SLC28A3: variants seen among roughly 807,000 people sequenced by gnomAD.
The protein encoded by SLC28A3 is concentrative Na(+)-nucleoside cotransporter 3.
In SLC28A3, 68 loss-of-function variants were observed where a neutral mutation model predicts 84.2. The observed-to-expected ratio is 0.81, with a 90% CI of 0.66 to 0.99. The LOEUF (loss-of-function observed/expected upper bound fraction) is 0.99. SLC28A3 is among the 50% of genes least tolerant of loss of function. SLC28A3 has a pLI of 0.00. For synonymous variants in SLC28A3, 267 were observed against 303.6 expected (o/e 0.88, Z 1.25); for missense variants, 712 against 841.5 (o/e 0.85, Z 1.90).
chr9:84,363,960 T>G, the SLC28A3 span, among the ~76,000 whole-genome samples: 1 of 152,070 alleles, frequency 6.6e-6, no homozygotes, highest in Non-Finnish European at 1.5e-5. Flanking sequence ...TAAAAAAATT[T>G]ATCTTTAATT....
rs1466983675 is a variant in SLC28A3 at position 84,334,540 on chromosome 9, A to G, written c.60+6034T>C. 3.3e-5 allele frequency among the ~76,000 whole-genome samples: 5 copies of G among 152,030 alleles called. No individual in the cohort carries two copies. The East Asian group carries it at 7.7e-4, about 24-fold the overall frequency. Reference sequence around the variant, plus strand: ...GGGCTGGACCCTGAGGGATGGCAATATCCTGTTTCTTGACCTGAGTGACAG... The same window carrying G: ...GGGCTGGACCCTGAGGGATGGCAATGTCCTGTTTCTTGACCTGAGTGACAG... On this transcript the variant is annotated intron_variant, in intron 1 of 17. Transcript: ENST00000376238.
intron 12 of SLC28A3, among the ~76,000 whole-genome samples, chr9:84,287,112 G>A (rs1198293797): frequency 6.6e-6 from 1 of 152,084 alleles, no homozygotes; most frequent in Non-Finnish European, 1.5e-5. Context: ...GCTGAGGTGG[G>A]AGGATCACTT....
At chr9:84,320,755 C>T (rs1056829882) in intron 1 of SLC28A3, among the ~76,000 whole-genome samples, 2 of 151,878 alleles carry the variant, frequency 1.3e-5, no homozygotes, top group African/African-American at 2.4e-5. Flanking sequence ...TTTCGGAGGC[C>T]GAGGAGGGTG....
At chr9:84,310,596 G>A in intron 2 of SLC28A3, 9 of 985,174 alleles carry the variant, frequency 9.1e-6, no homozygotes, top group Non-Finnish European at 9.6e-6. Flanking sequence ...CTCTTTAACA[G>A]AAATCATAGA....
intron 15 of SLC28A3, among the ~76,000 whole-genome samples, chr9:84,280,552 G>A (rs972521579): frequency 2.6e-5 from 4 of 152,136 alleles, no homozygotes; most frequent in African/African-American, 9.7e-5. Flanking sequence ...TGGCATGTAA[G>A]GTGAAGCCTA....
Position 84,292,674 on chromosome 9 carries a change from A to G in SLC28A3, c.1017T>C (p.Val339=). Residue 339 remains valine, a synonymous_variant, in exon 10 of 18, where the codon GTT becomes GTC. Transcript: ENST00000376238. Reference sequence around the variant, plus strand: ...TGTTGATATTACAACTTACTTGTCCAACAAATATATTGCCAGAAGCAACTA... The same window carrying G: ...TGTTGATATTACAACTTACTTGTCCGACAAATATATTGCCAGAAGCAACTA... The part of the protein sequence containing the change: ...ESVVASGNIF[V]GQTESPLLVR... 1 of 1,609,492 alleles carries G rather than the reference A, an allele frequency of 6.2e-7. No homozygotes were observed. The highest frequency in any genetic ancestry group is 8.5e-7 in the Non-Finnish European group (1 of 1,178,196).
intron 17 of SLC28A3, 152 bp from the exon 18 acceptor site, chr9:84,278,496 G>A: frequency 1.0e-6 from 1 of 984,262 alleles, no homozygotes; most frequent in Non-Finnish European, 1.4e-6. Flanking sequence ...AGACACTGGG[G>A]AATTTGTTTT....
upstream of SLC28A3, among the ~76,000 whole-genome samples, chr9:84,341,394 C>T (rs1827155689): frequency 1.3e-5 from 2 of 152,022 alleles, no homozygotes; most frequent in Admixed American, 6.6e-5. Flanking sequence ...TCATGCCGCC[C>T]TCAGTGATCA....
At chr9:84,285,592 G>GT (rs1171642995) in intron 13 of SLC28A3, 50 bp from the exon 14 acceptor site, 1 of 1,598,158 alleles carries the variant, frequency 6.3e-7, no homozygotes, top group Non-Finnish European at 8.6e-7. Flanking sequence ...TTTGCTTTCA[G>GT]TTTTGCCTCC....
the SLC28A3 span, among the ~76,000 whole-genome samples, chr9:84,366,382 G>C: frequency 6.6e-6 from 1 of 152,084 alleles, no homozygotes; most frequent in Non-Finnish European, 1.5e-5. Flanking sequence ...CTCCAGGATT[G>C]GTCCATGTTG....
intron 10 of SLC28A3, among the ~76,000 whole-genome samples, chr9:84,290,770 A>G (rs1233726492): frequency 6.6e-6 from 1 of 152,190 alleles, no homozygotes; most frequent in Non-Finnish European, 1.5e-5. Flanking sequence ...CCTGTCTTCC[A>G]ACTTCACCTT....
Position 84,313,151 on chromosome 9 carries a change from C to T in SLC28A3, c.156+208G>A, listed in dbSNP as rs561453546. The stretch of plus-strand genomic sequence containing the variant: ...TGAAGTGATGCTTCCCATCAGGGAA[C>T]TCTGAGGACAGGTGGATAAAAACAA... On this transcript the variant is annotated intron_variant, in intron 2 of 17. Coordinates refer to ENST00000376238, the MANE Select transcript of SLC28A3 (RefSeq NM_001199633.2). Among the ~76,000 whole-genome samples, 4 of 152,338 alleles carry T rather than the reference C, an allele frequency of 2.6e-5. No homozygotes were observed. The South Asian group carries it at 6.2e-4, about 24-fold the overall frequency.
chr9:84,303,454 G>C (rs1327076510), intron 4 of SLC28A3, among the ~76,000 whole-genome samples: 1 of 152,188 alleles, frequency 6.6e-6, no homozygotes, highest in East Asian at 1.9e-4. Flanking sequence ...CTGAGTACCT[G>C]GGATTACAGG....
intron 11 of SLC28A3, 77 bp from the exon 12 acceptor site, chr9:84,288,255 G>A (rs1282965423): frequency 7.5e-6 from 12 of 1,590,154 alleles, no homozygotes; most frequent in African/African-American, 2.7e-5. Context: ...CAAGAGCTCC[G>A]CAAGGGAAGA....
Position 84,326,669 on chromosome 9 carries a change from CAACAACAACAA to C in SLC28A3, c.61-13226_61-13216del, listed in dbSNP as rs57834934. On this transcript the variant is annotated intron_variant, in intron 1 of 17. Transcript: ENST00000376238. ...ACAACAACAACAACAACAACAACAA[CAACAACAACAA>C]CAACCAGGTCTTACTCTCTGTTCAA... Among the ~76,000 whole-genome samples, 204 of 151,734 alleles carry C rather than the reference CAACAACAACAA, an allele frequency of 1.3e-3. 2 individuals carry two copies. The highest frequency in any genetic ancestry group is 4.7e-3 in the African/African-American group (195 of 41,390).
the SLC28A3 span, among the ~76,000 whole-genome samples, chr9:84,348,692 C>A: frequency 6.6e-6 from 1 of 152,250 alleles, no homozygotes; most frequent in African/African-American, 2.4e-5. Flanking sequence ...ACAGCTCTGC[C>A]CTCATAAATG....
At chr9:84,365,234 C>G in the SLC28A3 span, among the ~76,000 whole-genome samples, 1 of 152,176 alleles carries the variant, frequency 6.6e-6, no homozygotes, top group Non-Finnish European at 1.5e-5. Context: ...GAGATGCTAT[C>G]TCACTGTAAT....
At chr9:84,332,031 T>C (rs1227313337) in intron 1 of SLC28A3, among the ~76,000 whole-genome samples, 1 of 152,136 alleles carries the variant, frequency 6.6e-6, no homozygotes, top group Non-Finnish European at 1.5e-5. Context: ...CCAAAATAAG[T>C]GGATGTTCGT....
At chr9:84,344,882 C>A (rs1001348910), upstream of SLC28A3, among the ~76,000 whole-genome samples, 9 of 152,154 alleles carry the variant, frequency 5.9e-5, no homozygotes, top group African/African-American at 2.2e-4. Flanking sequence ...ATGTCCCATG[C>A]CTTTTTAAAA....
Sources: allele counts gnomAD v4.1 joint callset (sites outside exome capture counted in the v4.1 genomes callset), GRCh38; gene constraint gnomAD v4.1.1; transcripts MANE v1.5; gene names NCBI Gene and HGNC (gene_info 2026-07-23, HGNC 2026-07-21).